KIAA0232: variants seen among roughly 807,000 people sequenced by gnomAD.
KIAA0232 encodes uncharacterized protein KIAA0232.
A neutral mutation model predicts 122.0 loss-of-function variants in KIAA0232; 27 were observed. The observed-to-expected ratio is 0.22, with a 90% CI of 0.16 to 0.31. KIAA0232 has a LOEUF of 0.31. KIAA0232 is among the 10% of genes least tolerant of loss of function. The probability of loss-of-function intolerance (pLI) is 1.00; values close to 1 mark genes in which losing one functional copy is unlikely to be tolerated. For missense variants in KIAA0232, 1,551 were observed against 1,634.2 expected, an observed-to-expected ratio of 0.95 and a Z score of 0.88; for synonymous variants, 613 against 587.6, an observed-to-expected ratio of 1.04 and a Z score of -0.63.
At chr4:6,840,601 G>T (rs1042798484) in intron 3 of KIAA0232, among the ~76,000 whole-genome samples, 2 of 152,170 alleles carry the variant, frequency 1.3e-5, no homozygotes, top group Non-Finnish European at 2.9e-5. Context: ...AGACTCTCAT[G>T]CTGGGGAGTT....
intron 3 of KIAA0232, among the ~76,000 whole-genome samples, chr4:6,839,377 A>G (rs768648859): frequency 3.3e-5 from 5 of 152,192 alleles, no homozygotes; most frequent in Non-Finnish European, 7.4e-5. Flanking sequence ...TATACTTCCC[A>G]AGACACCATT....
chr4:6,790,165 G>A (rs1484252768), intron 1 of KIAA0232, among the ~76,000 whole-genome samples: 1 of 152,122 alleles, frequency 6.6e-6, no homozygotes, highest in Non-Finnish European at 1.5e-5. Flanking sequence ...TTCCTCTTTG[G>A]TATTTGGAAT....
chr4:6,803,973 T>C (rs1042357208), intron 1 of KIAA0232, among the ~76,000 whole-genome samples: 1 of 152,244 alleles, frequency 6.6e-6, no homozygotes. Context: ...TTGTTAAGTG[T>C]GGCACTTTGC....
chr4:6,861,821 A>T lies in KIAA0232; in HGVS notation c.1439A>T (p.Asp480Val), dbSNP rs1344932183. The change falls in exon 7 of 10, where the codon GAT becomes GTT. Residue 480 changes from aspartate to valine, a missense_variant. Asp to Val is a radical substitution (Grantham distance 152). Around this residue, in one of 5 missense-constraint regions of KIAA0232, gnomAD observed 1,108 missense variants for 1,154.8 expected, o/e 0.96. Transcript: ENST00000307659. ...FVEMPAVINE[D>V]IDLTGTSLCS... Reference sequence around the variant, plus strand: ...GAAATGCCTGCAGTTATAAATGAGGATATTGACCTCACTGGGACCTCATTA... The same window carrying T: ...GAAATGCCTGCAGTTATAAATGAGGTTATTGACCTCACTGGGACCTCATTA... 6.2e-7 allele frequency: 1 copy of T among 1,613,808 alleles called. No homozygotes were observed. Among genetic ancestry groups the T allele is most frequent in the South Asian group, 1.1e-5 (1 of 91,060 alleles).
chr4:6,874,922 A>G (rs887014276), intron 8 of KIAA0232, among the ~76,000 whole-genome samples: 7 of 152,214 alleles, frequency 4.6e-5, no homozygotes, highest in South Asian at 2.1e-4. Context: ...CAGAATTCCT[A>G]AAGCAGGAAG....
At chr4:6,835,334 A>AG (rs1158696659) in intron 3 of KIAA0232, among the ~76,000 whole-genome samples, 1 of 152,164 alleles carries the variant, frequency 6.6e-6, no homozygotes, top group Non-Finnish European at 1.5e-5. Flanking sequence ...CACAAGTTCA[A>AG]GGGGAAGAAG....
intron 7 of KIAA0232, among the ~76,000 whole-genome samples, chr4:6,867,423 C>T (rs780359753): frequency 4.5e-4 from 68 of 152,318 alleles, no homozygotes; most frequent in African/African-American, 1.4e-3. Context: ...AGGGATCTCA[C>T]GGTCTCTGGA....
chr4:6,787,520 C>G (rs1195636428), intron 1 of KIAA0232, among the ~76,000 whole-genome samples: 10 of 152,162 alleles, frequency 6.6e-5, no homozygotes, highest in Non-Finnish European at 1.2e-4. Context: ...AGATGTTTTG[C>G]TTTATAGCAT....
chr4:6,826,600 G>T (rs917698043), intron 3 of KIAA0232, among the ~76,000 whole-genome samples: 3 of 151,588 alleles, frequency 2.0e-5, no homozygotes, highest in Non-Finnish European at 1.5e-5. Flanking sequence ...AACCTCCTGG[G>T]CTCAAGCGAT....
At chr4:6,783,875 C>T (rs1437282464) in intron 1 of KIAA0232, among the ~76,000 whole-genome samples, 1 of 152,192 alleles carries the variant, frequency 6.6e-6, no homozygotes, top group Non-Finnish European at 1.5e-5. Flanking sequence ...CGTCTGCAGC[C>T]GGCATTTCTA....
In KIAA0232 at chr4:6,855,950, C is replaced by A; in HGVS notation, c.370-1214C>A. On this transcript the variant is annotated intron_variant, in intron 4 of 9. Transcript: ENST00000307659. The surrounding 1 kb of genome is among the most constrained non-coding windows in gnomAD (Gnocchi z 4.3). Reference sequence around the variant, plus strand: ...GTTTGTGGTTGAACAGTGTTTATGACTAATATCTGCCATCGTTTTTAAGAG... The same window carrying A: ...GTTTGTGGTTGAACAGTGTTTATGAATAATATCTGCCATCGTTTTTAAGAG... 1.6e-6 allele frequency: 1 copy of A among 644,056 alleles called. No homozygotes were observed. The allele number at this position is 644,056 out of a possible 1,614,324, so 39.9% of individuals were successfully genotyped here.
chr4:6,815,743 G>T (rs998731301), intron 2 of KIAA0232, among the ~76,000 whole-genome samples: 1 of 152,062 alleles, frequency 6.6e-6, no homozygotes, highest in African/African-American at 2.4e-5. Context: ...AATCACTCAT[G>T]ACTATAGATA....
At chr4:6,836,339 T>G (rs1017625780) in intron 3 of KIAA0232, among the ~76,000 whole-genome samples, 2 of 151,226 alleles carry the variant, frequency 1.3e-5, no homozygotes, top group African/African-American at 4.8e-5. Context: ...TTGTTTTGTT[T>G]TTTTTTTTTG....
At chr4:6,873,987 T>C (rs6446546) in intron 8 of KIAA0232, among the ~76,000 whole-genome samples, 80,787 of 151,986 alleles carry the variant, frequency 0.53, 21,703 homozygotes, top group East Asian at 0.6. Flanking sequence ...AAGCAGTTGC[T>C]GCTCTGAGCC....
At chr4:6,798,627 C>G (rs1717240329) in intron 1 of KIAA0232, among the ~76,000 whole-genome samples, 1 of 152,230 alleles carries the variant, frequency 6.6e-6, no homozygotes, top group South Asian at 2.1e-4. Flanking sequence ...TTATCGCTCA[C>G]TGCACCCTTG....
chr4:6,826,342 G>C (rs559555188), intron 3 of KIAA0232, among the ~76,000 whole-genome samples: 1 of 152,236 alleles, frequency 6.6e-6, no homozygotes, highest in South Asian at 2.1e-4. Flanking sequence ...CCAGAGCTCT[G>C]TTATCATCTT....
At chr4:6,787,666 C>T (rs1716689846) in intron 1 of KIAA0232, among the ~76,000 whole-genome samples, 1 of 152,198 alleles carries the variant, frequency 6.6e-6, no homozygotes, top group African/African-American at 2.4e-5. Context: ...TGCCCCTACC[C>T]TCCCTGAAGC....
At chr4:6,821,013 G>A (rs114581584) in intron 2 of KIAA0232, among the ~76,000 whole-genome samples, 163 of 152,262 alleles carry the variant, frequency 1.1e-3, no homozygotes, top group African/African-American at 3.5e-3. Flanking sequence ...CCACTCCTGT[G>A]ACATGAAGTT....
At chr4:6,833,013 C>A (rs1311160658) in intron 3 of KIAA0232, among the ~76,000 whole-genome samples, 1 of 152,152 alleles carries the variant, frequency 6.6e-6, no homozygotes, top group African/African-American at 2.4e-5. Context: ...AGACTCATCC[C>A]TTCTTCATTC....
Sources: gnomAD v4.1 joint callset for allele counts (sites outside exome capture counted in the v4.1 genomes callset) on GRCh38, gnomAD v4.1.1 for gene constraint, gnomAD v4.1.1 regional missense constraint, Gnocchi (gnomAD v3.1) non-coding constraint, MANE v1.5 for transcripts, NCBI Gene and HGNC (gene_info 2026-07-23, HGNC 2026-07-21) for gene names.